Variants in CSMD1 observed in about 807,000 individuals in gnomAD.
CSMD1 encodes CUB and Sushi multiple domains 1.
CSMD1 carries 213 observed loss-of-function variants against 417.5 expected under a neutral mutation model. That is an observed-to-expected ratio of 0.51 (90% CI 0.46 to 0.57). CSMD1 has a LOEUF of 0.57. Among genes scored for constraint, CSMD1 ranks in the 20% least tolerant of loss-of-function variants. The pLI is 0.00. For synonymous variants in CSMD1, 2,862 were observed against 1,736.8 expected (o/e 1.65, Z -16.11); for missense variants, 6,923 against 4,529.7 (o/e 1.53, Z -15.17).
intron 1 of CSMD1, among the ~76,000 whole-genome samples, chr8:4,774,973 T>C (rs1796775715): frequency 2.6e-5 from 4 of 152,170 alleles, no homozygotes; most frequent in Admixed American, 6.5e-5. Context: ...ACCCCTTTTG[T>C]TTACAAATTA....
chr8:3,636,431 G>A (rs529886502), intron 7 of CSMD1, among the ~76,000 whole-genome samples: 2 of 152,254 alleles, frequency 1.3e-5, no homozygotes, highest in Admixed American at 1.3e-4. Flanking sequence ...GCCCGCCTCA[G>A]CCTCCCACAG....
At chr8:4,350,967 G>C (rs192034667) in intron 3 of CSMD1, among the ~76,000 whole-genome samples, 2 of 152,228 alleles carry the variant, frequency 1.3e-5, no homozygotes, top group Non-Finnish European at 2.9e-5. Flanking sequence ...ATCGTTTAAA[G>C]CTTCTTTTAA....
intron 3 of CSMD1, among the ~76,000 whole-genome samples, chr8:4,250,429 C>A (rs1802988668): frequency 6.6e-6 from 1 of 152,088 alleles, no homozygotes; most frequent in Non-Finnish European, 1.5e-5. Flanking sequence ...CCACTGCTCC[C>A]TGGGGAACAT....
At chr8:4,507,846 G>A (rs1244814784) in intron 2 of CSMD1, among the ~76,000 whole-genome samples, 3 of 152,020 alleles carry the variant, frequency 2.0e-5, no homozygotes, top group African/African-American at 7.2e-5. Flanking sequence ...TGGAGCTGAA[G>A]GAAAAATTAT....
chr8:4,351,709 C>G (rs77020760), intron 3 of CSMD1, among the ~76,000 whole-genome samples: 2,444 of 152,176 alleles, frequency 0.016, 58 homozygotes, highest in African/African-American at 0.056. Flanking sequence ...AGGAATTAGC[C>G]AGACATGGAA....
chr8:4,971,844 T>G (rs1391482690), intron 1 of CSMD1, among the ~76,000 whole-genome samples: 2 of 152,070 alleles, frequency 1.3e-5, no homozygotes, highest in African/African-American at 4.8e-5. Context: ...TCATTAATTT[T>G]AATTCAGGAA....
chr8:3,045,158 A>G (rs1316259015), intron 50 of CSMD1, among the ~76,000 whole-genome samples: 1 of 152,204 alleles, frequency 6.6e-6, no homozygotes, highest in African/African-American at 2.4e-5. Context: ...TGATGCTTAG[A>G]AAATGTTAAC....
chr8:4,908,650 T>G (rs1488152928), intron 1 of CSMD1, among the ~76,000 whole-genome samples: 1 of 151,148 alleles, frequency 6.6e-6, no homozygotes, highest in Non-Finnish European at 1.5e-5. Flanking sequence ...TAGCAATGAG[T>G]CCACCAGACT....
intron 4 of CSMD1, among the ~76,000 whole-genome samples, chr8:4,002,552 A>G (rs1401148239): frequency 6.6e-6 from 1 of 152,204 alleles, no homozygotes; most frequent in East Asian, 1.9e-4. Flanking sequence ...ACTGAGAAAA[A>G]TTAATTACTT....
chr8:3,130,401 A>C (rs987576718), intron 41 of CSMD1, among the ~76,000 whole-genome samples: 4 of 152,086 alleles, frequency 2.6e-5, no homozygotes, highest in African/African-American at 9.7e-5. Context: ...AATTCCTGGA[A>C]GCCTCTTCAC....
At chr8:4,949,930 G>A (rs1585391527) in intron 1 of CSMD1, among the ~76,000 whole-genome samples, 2 of 147,088 alleles carry the variant, frequency 1.4e-5, no homozygotes, top group African/African-American at 5.0e-5. Context: ...GTGTGTGTGT[G>A]TATTCTATCT....
chr8:4,606,483 C>T (rs1239415943), intron 2 of CSMD1, among the ~76,000 whole-genome samples: 2 of 152,172 alleles, frequency 1.3e-5, no homozygotes, highest in African/African-American at 4.8e-5. Flanking sequence ...GATGCCAAGC[C>T]CTTTACCACT....
chr8:4,768,209 T>G (rs1029296440), intron 1 of CSMD1, among the ~76,000 whole-genome samples: 1 of 152,144 alleles, frequency 6.6e-6, no homozygotes, highest in Non-Finnish European at 1.5e-5. Context: ...CCTTTTATGT[T>G]GGAATGAGCT....
At chr8:4,333,512 ATTT>A (rs1799991752) in intron 3 of CSMD1, among the ~76,000 whole-genome samples, 5 of 152,130 alleles carry the variant, frequency 3.3e-5, no homozygotes, top group Admixed American at 3.3e-4. Flanking sequence ...CACTACTCTC[ATTT>A]CATAAAGTGC....
chr8:3,776,479 A>G (rs927499257), intron 5 of CSMD1, among the ~76,000 whole-genome samples: 1 of 152,158 alleles, frequency 6.6e-6, no homozygotes, highest in Non-Finnish European at 1.5e-5. Flanking sequence ...AGCTGTGGCC[A>G]CACACACATT....
chr8:3,634,746 G>T (rs537281950), intron 7 of CSMD1, among the ~76,000 whole-genome samples: 2 of 152,140 alleles, frequency 1.3e-5, no homozygotes, highest in South Asian at 4.1e-4. Flanking sequence ...CCATGATTAA[G>T]GCACACAGTT....
intron 3 of CSMD1, among the ~76,000 whole-genome samples, chr8:4,154,392 G>A (rs931027374): frequency 2.0e-5 from 3 of 152,176 alleles, no homozygotes; most frequent in African/African-American, 7.2e-5. Context: ...CTAATCTATT[G>A]TATAAGTATA....
intron 1 of CSMD1, among the ~76,000 whole-genome samples, chr8:4,825,785 C>CA (rs144781675): frequency 0.31 from 41,043 of 130,460 alleles, 6,803 homozygotes; most frequent in Admixed American, 0.46. Context: ...AAATCAAATG[C>CA]AAAAAAAAAA....
At chr8:4,887,648 A>G (rs1354259999) in intron 1 of CSMD1, among the ~76,000 whole-genome samples, 2 of 151,548 alleles carry the variant, frequency 1.3e-5, no homozygotes, top group African/African-American at 4.9e-5. Flanking sequence ...TATTAATTCT[A>G]CTGGTTTTGC....
Sources: gnomAD v4.1 joint callset for allele counts (sites outside exome capture counted in the v4.1 genomes callset) on GRCh38, gnomAD v4.1.1 for gene constraint, MANE v1.5 for transcripts, NCBI Gene and HGNC (gene_info 2026-07-23, HGNC 2026-07-21) for gene names.